SPOCK3: variants seen among roughly 807,000 people sequenced by gnomAD.
The protein encoded by SPOCK3 is SPARC (osteonectin), cwcv and kazal like domains proteoglycan 3, also known as testican-3.
A neutral mutation model predicts 56.6 loss-of-function variants in SPOCK3; 30 were observed. The observed-to-expected ratio is 0.53, with a 90% confidence interval of 0.40 to 0.72. The LOEUF (loss-of-function observed/expected upper bound fraction) is 0.72. Ranked by LOEUF, SPOCK3 falls within the 30% of genes least tolerant of loss-of-function variation. The pLI, the probability that SPOCK3 is intolerant of heterozygous loss-of-function variation, is 0.00. For missense variants in SPOCK3, 527 were observed against 530.0 expected (o/e 0.99, Z 0.06); for synonymous variants, 196 against 183.3 (o/e 1.07, Z -0.56).
At position 166,754,806 on chromosome 4, in the gene SPOCK3, C is replaced by T. The variant is rs74333413; in HGVS notation, c.710-77G>A. 3.4e-3 allele frequency: 4,616 copies of T among 1,351,190 alleles called. 147 individuals carry two copies. In the East Asian group the frequency reaches 0.081, roughly 24 times the overall value. The allele number at this position is 1,351,190 out of a possible 1,614,324, so 83.7% of individuals were successfully genotyped here. A position where few individuals can be genotyped will look rare whatever the true frequency, so the allele number is the denominator to read the frequency against. ...CAGAAAGCAAAATAAGTCAACATAG[C>T]AGGTAGCTAGTGTAGGACATCTAAT... On this transcript the variant is annotated intron_variant, in intron 7 of 10. Coordinates refer to ENST00000357545, the MANE Select transcript of SPOCK3 (RefSeq NM_001040159.2).
rs549602815 is a variant in SPOCK3, at chr4:167,192,140, A to G, written c.189+41845T>C. Among the ~76,000 whole-genome samples the G allele has an allele frequency of 2.2e-3, 321 of 146,058 alleles. 20 individuals are homozygous for G. The South Asian group carries it at 0.025, about 11-fold the overall frequency. On this transcript the variant is annotated intron_variant, in intron 2 of 10. Transcript: ENST00000357545. ...TTCCAAAGATAAATCTTATTTGTTC[A>G]TAGTATATGGTCCTTTTCATTCACT...
At chr4:167,162,037 T>A (rs1765364132) in intron 2 of SPOCK3, among the ~76,000 whole-genome samples, 1 of 151,854 alleles carries the variant, frequency 6.6e-6, no homozygotes, top group African/African-American at 2.4e-5. Flanking sequence ...ACTTAAAGTA[T>A]AATAATAAAA....
intron 3 of SPOCK3, among the ~76,000 whole-genome samples, chr4:167,001,350 T>C (rs2150129175): frequency 6.6e-6 from 1 of 152,294 alleles, no homozygotes; most frequent in African/African-American, 2.4e-5. Context: ...GATTTTCCTA[T>C]TCTGGACATT....
At chr4:167,136,022 A>T (rs1763091643) in intron 2 of SPOCK3, among the ~76,000 whole-genome samples, 2 of 152,080 alleles carry the variant, frequency 1.3e-5, no homozygotes. Flanking sequence ...CTAATGTCCA[A>T]ATATGCTTAT....
intron 2 of SPOCK3, among the ~76,000 whole-genome samples, chr4:167,153,921 A>C (rs958060479): frequency 1.6e-4 from 15 of 93,062 alleles, no homozygotes; most frequent in Non-Finnish European, 3.5e-4. Context: ...ACTAGGCTTT[A>C]ATCACTGTCA....
At chr4:166,841,475 T>G (rs1747322385) in intron 6 of SPOCK3, among the ~76,000 whole-genome samples, 1 of 152,198 alleles carries the variant, frequency 6.6e-6, no homozygotes. Context: ...ATGCACTGGC[T>G]TCTATTGTTA....
At chr4:167,044,534 C>T (rs1753542334) in intron 3 of SPOCK3, among the ~76,000 whole-genome samples, 1 of 152,016 alleles carries the variant, frequency 6.6e-6, no homozygotes, top group African/African-American at 2.4e-5. Context: ...CTTATTTTCT[C>T]ATGTATGCAT....
intron 6 of SPOCK3, among the ~76,000 whole-genome samples, chr4:166,850,511 A>G (rs1748566449): frequency 6.6e-6 from 1 of 152,226 alleles, no homozygotes; most frequent in Admixed American, 6.5e-5. Flanking sequence ...TCCCAGCGTG[A>G]GCAACGCAGA....
intron 4 of SPOCK3, among the ~76,000 whole-genome samples, chr4:166,998,230 G>A (rs1748591227): frequency 6.6e-6 from 1 of 152,026 alleles, no homozygotes; most frequent in Admixed American, 6.6e-5. Context: ...AATAGAACAG[G>A]ACTAAATACT....
At chr4:167,223,137 AT>A (rs1180064275) in intron 2 of SPOCK3, among the ~76,000 whole-genome samples, 2 of 116,472 alleles carry the variant, frequency 1.7e-5, no homozygotes, top group Non-Finnish European at 3.2e-5. Context: ...ATGAATATAT[AT>A]TTTATATATG....
chr4:166,850,672 G>A lies in SPOCK3; in HGVS notation c.589+38458C>T, dbSNP rs537850478. On this transcript the variant is annotated intron_variant, in intron 6 of 10. Coordinates refer to ENST00000357545, the MANE Select transcript of SPOCK3 (RefSeq NM_001040159.2). ...TCACTCGGGAAGCGCAAGGGGTCAG[G>A]GAGTTCCCTTTCGTAGTCAAAGAAA... Among the ~76,000 whole-genome samples the A allele has an allele frequency of 8.4e-4, 128 of 152,366 alleles. 2 individuals carry two copies. The highest frequency in any genetic ancestry group is 6.4e-3 in the South Asian group (31 of 4,834).
Position 167,234,118 on chromosome 4 carries a change from G to T in SPOCK3, c.56C>A (p.Ser19Tyr). The stretch of plus-strand genomic sequence containing the variant: ...AGCCACCGCCGCGGCAGCTGCGAGA[G>T]ACTGACTGCACCAAGCGGCTGCACA... ...CVCAAAWCSQ[S>Y]LAAAAAVAAA... Residue 19 changes from serine (S) to tyrosine (Y), a missense_variant, in exon 2 of 11, where the codon TCT (serine) becomes TAT (tyrosine). Transcript: ENST00000357545. 1 of 1,613,950 alleles carries T rather than the reference G, an allele frequency of 6.2e-7. No individual in the cohort carries two copies. The highest frequency in any genetic ancestry group is 8.5e-7 in the Non-Finnish European group (1 of 1,179,996).
intron 3 of SPOCK3, among the ~76,000 whole-genome samples, chr4:167,014,035 G>A (rs1750353437): frequency 6.6e-6 from 1 of 152,092 alleles, no homozygotes; most frequent in Non-Finnish European, 1.5e-5. Flanking sequence ...CACATAGAAA[G>A]CATTATATTT....
chr4:166,950,779 T>A (rs1222650544), intron 4 of SPOCK3, among the ~76,000 whole-genome samples: 1 of 149,828 alleles, frequency 6.7e-6, no homozygotes, highest in Non-Finnish European at 1.5e-5. Flanking sequence ...GAATTAAGAA[T>A]CTCACTCAAA....
chr4:166,767,505 G>C (rs1738259439), intron 7 of SPOCK3, among the ~76,000 whole-genome samples: 1 of 152,104 alleles, frequency 6.6e-6, no homozygotes, highest in Non-Finnish European at 1.5e-5. Flanking sequence ...GGTTTTGAGT[G>C]AGTTTCTTAA....
intron 2 of SPOCK3, among the ~76,000 whole-genome samples, chr4:167,169,068 C>T (rs1335161007): frequency 6.6e-6 from 1 of 152,194 alleles, no homozygotes. Context: ...GCCTAGATTT[C>T]AGAGGATGTA....
intron 4 of SPOCK3, among the ~76,000 whole-genome samples, chr4:166,973,871 C>T (rs928214715): frequency 5.9e-5 from 9 of 152,088 alleles, no homozygotes; most frequent in Middle Eastern, 3.4e-3. Flanking sequence ...CATTATGATA[C>T]AAGACTTTGG....
intron 2 of SPOCK3, among the ~76,000 whole-genome samples, chr4:167,070,447 A>T (rs893531216): frequency 6.6e-6 from 1 of 151,890 alleles, no homozygotes; most frequent in Non-Finnish European, 1.5e-5. Flanking sequence ...TAATATAATG[A>T]TTTTGTAACT....
At chr4:166,968,478 TC>T (rs1027449073) in intron 4 of SPOCK3, among the ~76,000 whole-genome samples, 4 of 152,252 alleles carry the variant, frequency 2.6e-5, no homozygotes, top group African/African-American at 9.6e-5. Context: ...ATGCCCTACA[TC>T]CCAGCTGCTC....
Sources: allele counts gnomAD v4.1 joint callset (sites outside exome capture counted in the v4.1 genomes callset), GRCh38; gene constraint gnomAD v4.1.1; transcripts MANE v1.5; gene names NCBI Gene and HGNC (gene_info 2026-07-23, HGNC 2026-07-21).